The following PRKCH variants were observed in gnomAD, a reference collection of about 807,000 sequenced individuals.
PRKCH encodes protein kinase C eta type.
Under a neutral mutation model 82.5 loss-of-function variants are expected in PRKCH, and 28 were observed. The observed-to-expected ratio is 0.34, with a 90% confidence interval of 0.25 to 0.47. PRKCH has a LOEUF of 0.47. Among genes scored for constraint, PRKCH ranks in the 20% least tolerant of loss-of-function variants. PRKCH has a pLI of 1.00. For missense variants in PRKCH, 705 were observed against 881.8 expected (o/e 0.80, Z 2.54); for synonymous variants, 322 against 327.4 (o/e 0.98, Z 0.18).
At chr14:61,481,944 C>CCCCACCA (rs1043490261) in intron 9 of PRKCH, among the ~76,000 whole-genome samples, 2 of 151,810 alleles carry the variant, frequency 1.3e-5, no homozygotes, top group Non-Finnish European at 1.5e-5. Context: ...TGACTCCTCA[C>CCCCACCA]CCCACCACCC....
intron 1 of PRKCH, among the ~76,000 whole-genome samples, chr14:61,226,438 T>G (rs2044696865): frequency 6.6e-6 from 1 of 152,168 alleles, no homozygotes; most frequent in Non-Finnish European, 1.5e-5. Flanking sequence ...GAGGAAAGTA[T>G]GTGTGGGATG....
intron 1 of PRKCH, among the ~76,000 whole-genome samples, chr14:61,294,701 C>T (rs2045392000): frequency 6.6e-6 from 1 of 151,894 alleles, no homozygotes. Flanking sequence ...AATAAAAAGT[C>T]ATTGAATATT....
intron 1 of PRKCH, among the ~76,000 whole-genome samples, chr14:61,272,250 A>C (rs201909069): frequency 2.4e-3 from 6 of 2,472 alleles, no homozygotes; most frequent in Admixed American, 0.013. Context: ...ATGACATGAG[A>C]AAAACCAAGG....
chr14:61,534,273 A>G (rs942662464), intron 12 of PRKCH, among the ~76,000 whole-genome samples: 3 of 152,250 alleles, frequency 2.0e-5, no homozygotes, highest in Non-Finnish European at 4.4e-5. Context: ...CCATGTCCAT[A>G]GCAGCATTAC....
At chr14:61,272,344 C>CTTTTTTTTTTT (rs1162331604) in intron 1 of PRKCH, among the ~76,000 whole-genome samples, 37 of 23,594 alleles carry the variant, frequency 1.6e-3, no homozygotes, top group Non-Finnish European at 2.1e-3. Context: ...TTTTTTCTTT[C>CTTTTTTTTTTT]TTTTTTTTTT....
At chr14:61,475,840 C>G (rs1885706606) in intron 9 of PRKCH, among the ~76,000 whole-genome samples, 1 of 152,136 alleles carries the variant, frequency 6.6e-6, no homozygotes, top group Non-Finnish European at 1.5e-5. Context: ...TTGAAAACTT[C>G]TTATTTGCCC....
At chr14:61,472,393 C>A (rs968267440) in intron 9 of PRKCH, among the ~76,000 whole-genome samples, 2 of 152,194 alleles carry the variant, frequency 1.3e-5, no homozygotes, top group Non-Finnish European at 2.9e-5. Context: ...CTTTGTGAGT[C>A]AGATTCCCAT....
intron 1 of PRKCH, among the ~76,000 whole-genome samples, chr14:61,295,375 C>T (rs1041823142): frequency 1.3e-5 from 2 of 152,210 alleles, no homozygotes; most frequent in East Asian, 3.8e-4. Flanking sequence ...AAAAACATCT[C>T]CCCTGGGAGA....
At chr14:61,336,872 C>G (rs1371058013) in intron 1 of PRKCH, among the ~76,000 whole-genome samples, 1 of 151,850 alleles carries the variant, frequency 6.6e-6, no homozygotes, top group Non-Finnish European at 1.5e-5. Context: ...AGTTCGAGAC[C>G]AACCTAGCCA....
At chr14:61,319,487 T>C (rs2045590201), upstream of PRKCH, among the ~76,000 whole-genome samples, 1 of 152,160 alleles carries the variant, frequency 6.6e-6, no homozygotes. Flanking sequence ...AGGGTGAAGA[T>C]GGAGTGTCTG....
At chr14:61,532,769 G>A (rs7157798) in intron 12 of PRKCH, among the ~76,000 whole-genome samples, 8,210 of 152,218 alleles carry the variant, frequency 0.054, 731 homozygotes, top group African/African-American at 0.19. Context: ...TTTCCTCCAA[G>A]AGGAAACAGC....
intron 9 of PRKCH, among the ~76,000 whole-genome samples, chr14:61,478,787 G>A (rs990607): frequency 0.13 from 20,306 of 152,042 alleles, 1,443 homozygotes; most frequent in Admixed American, 0.18. Context: ...CTTAAGCCCA[G>A]AAGTTCAGCG....
At chr14:61,392,637 GA>G (rs1281729454) in intron 2 of PRKCH, among the ~76,000 whole-genome samples, 1 of 152,096 alleles carries the variant, frequency 6.6e-6, no homozygotes, top group Non-Finnish European at 1.5e-5. Flanking sequence ...TTCTGGATAT[GA>G]GTCCTTTGTG....
chr14:61,356,901 C>T (rs1425944463), intron 1 of PRKCH, among the ~76,000 whole-genome samples: 3 of 152,180 alleles, frequency 2.0e-5, no homozygotes, highest in Non-Finnish European at 4.4e-5. Context: ...AGGCTTGTCT[C>T]GAACTCCTGA....
Position 61,509,514 on chromosome 14 carries a change from T to C in PRKCH, c.1434-19561T>C, listed in dbSNP as rs115978518. Among the ~76,000 whole-genome samples the C allele has an allele frequency of 6.2e-3, 941 of 152,242 alleles. 19 individuals are homozygous for C. The highest frequency in any genetic ancestry group is 0.022 in the African/African-American group (895 of 41,504). ...ACTGGGAATTCTAAACACACATAAA[T>C]TGACGATGTAAGATATGGTACCATA... On this transcript the variant is annotated intron_variant, in intron 10 of 13. Transcript: ENST00000332981.
At chr14:61,541,157 G>C (rs2043179551) in intron 12 of PRKCH, among the ~76,000 whole-genome samples, 1 of 152,276 alleles carries the variant, frequency 6.6e-6, no homozygotes, top group South Asian at 2.1e-4. Context: ...CTAGCACGGG[G>C]TGTCTCCAGA....
At position 61,530,430 on chromosome 14, in the gene PRKCH, G is replaced by T; in HGVS notation, c.1596G>T (p.Gly532=). Residue 532 remains glycine, a synonymous_variant, in exon 12 of 14, where the codon GGG becomes GGT. Coordinates refer to ENST00000332981, the MANE Select transcript of PRKCH (RefSeq NM_006255.5). ...APEILQEMLY[G]PAVDWWAMGV... Reference sequence around the variant, plus strand: ...AGATCCTCCAGGAAATGCTGTACGGGCCTGCAGTAGACTGGTGGGCAATGG... The same window carrying T: ...AGATCCTCCAGGAAATGCTGTACGGTCCTGCAGTAGACTGGTGGGCAATGG... The T allele has an allele frequency of 6.2e-7, 1 of 1,604,690 alleles. No homozygotes were observed. Among genetic ancestry groups the T allele is most frequent in the South Asian group, 1.1e-5 (1 of 88,600 alleles).
rs79824227 is a variant in PRKCH, at chr14:61,198,555, T to C, written c.-19+10887T>C. 5.2e-3 allele frequency among the ~76,000 whole-genome samples: 799 copies of C among 152,344 alleles called. 9 individuals carry two copies. The highest frequency in any genetic ancestry group is 0.017 in the African/African-American group (723 of 41,570). On this transcript the variant is annotated intron_variant, in intron 1 of 3. Transcript: ENST00000555185. ...AGTGTATATTATATTGCATTGTAAT[T>C]ATTTGTTTACATAATGATCTCCCCA...
At chr14:61,480,407 G>A (rs1388968545) in intron 9 of PRKCH, among the ~76,000 whole-genome samples, 1 of 152,226 alleles carries the variant, frequency 6.6e-6, no homozygotes, top group Non-Finnish European at 1.5e-5. Flanking sequence ...AAATAGCACA[G>A]ACTGAGAGTA....
Sources: allele counts gnomAD v4.1 joint callset (sites outside exome capture counted in the v4.1 genomes callset), GRCh38; gene constraint gnomAD v4.1.1; transcripts MANE v1.5; gene names NCBI Gene and HGNC (gene_info 2026-07-23, HGNC 2026-07-21).